Variants in FCHSD2 observed in about 807,000 individuals in gnomAD.
The protein encoded by FCHSD2 is F-BAR and double SH3 domains protein 2.
In FCHSD2, 38 loss-of-function variants were observed where a neutral mutation model predicts 108.1. That is an observed-to-expected ratio of 0.35 (90% CI 0.27 to 0.46). The LOEUF (loss-of-function observed/expected upper bound fraction) is 0.46. Among genes scored for constraint, FCHSD2 ranks in the 20% least tolerant of loss-of-function variants. FCHSD2 has a pLI of 1.00. For missense variants in FCHSD2, 751 were observed against 897.8 expected, an observed-to-expected ratio of 0.84 and a Z score of 2.09; for synonymous variants, 279 against 314.7, an observed-to-expected ratio of 0.89 and a Z score of 1.20.
At chr11:73,044,705 C>G (rs1858715344) in intron 3 of FCHSD2, among the ~76,000 whole-genome samples, 1 of 152,114 alleles carries the variant, frequency 6.6e-6, no homozygotes, top group Admixed American at 6.6e-5. Flanking sequence ...TGGGTAAATA[C>G]TATATAGAAA....
chr11:73,100,068 T>G (rs1316753662), intron 2 of FCHSD2, among the ~76,000 whole-genome samples: 1 of 152,202 alleles, frequency 6.6e-6, no homozygotes, highest in Non-Finnish European at 1.5e-5. Context: ...TTGACACTTC[T>G]CAGCCCTTCC....
chr11:73,009,117 T>C (rs1221459231), intron 4 of FCHSD2, among the ~76,000 whole-genome samples: 2 of 151,834 alleles, frequency 1.3e-5, no homozygotes, highest in African/African-American at 4.8e-5. Context: ...CATTAAATGC[T>C]GCATGTATCA....
intron 9 of FCHSD2, among the ~76,000 whole-genome samples, chr11:72,909,337 C>T (rs1855701233): frequency 6.6e-6 from 1 of 152,182 alleles, no homozygotes; most frequent in Non-Finnish European, 1.5e-5. Flanking sequence ...TCACTCAATG[C>T]TCAATGTTGC....
intron 8 of FCHSD2, among the ~76,000 whole-genome samples, chr11:72,955,114 G>A (rs766839631): frequency 4.5e-4 from 68 of 152,188 alleles, no homozygotes; most frequent in Non-Finnish European, 7.2e-4. Context: ...CTCACAGACT[G>A]CTAACCCACA....
chr11:72,970,173 C>T (rs2135383508), intron 8 of FCHSD2, among the ~76,000 whole-genome samples: 1 of 152,262 alleles, frequency 6.6e-6, no homozygotes, highest in Middle Eastern at 3.4e-3. Flanking sequence ...CCACAAATGG[C>T]TAAGAATGTT....
chr11:72,858,541 C>A (rs1861484907), intron 13 of FCHSD2, among the ~76,000 whole-genome samples: 1 of 152,160 alleles, frequency 6.6e-6, no homozygotes, highest in African/African-American at 2.4e-5. Flanking sequence ...ACCGCAAATT[C>A]TCATTTGTAA....
chr11:72,980,758 G>A (rs1343179381), intron 8 of FCHSD2, among the ~76,000 whole-genome samples: 3 of 150,566 alleles, frequency 2.0e-5, no homozygotes, highest in Admixed American at 6.6e-5. Context: ...GTATATATAT[G>A]TGTATGTATA....
At chr11:72,858,979 T>C (rs551667621) in intron 13 of FCHSD2, among the ~76,000 whole-genome samples, 23 of 152,250 alleles carry the variant, frequency 1.5e-4, no homozygotes, top group African/African-American at 5.5e-4. Context: ...TCCTACAACA[T>C]ACTGTATGAA....
At chr11:73,016,082 C>T (rs1400341491) in intron 3 of FCHSD2, among the ~76,000 whole-genome samples, 197 bp from the exon 4 acceptor site, 1 of 152,082 alleles carries the variant, frequency 6.6e-6, no homozygotes, top group East Asian at 1.9e-4. Context: ...GTAGACAGAT[C>T]ACTTGAGGTC....
chr11:72,918,460 C>T (rs911102510), intron 9 of FCHSD2, among the ~76,000 whole-genome samples: 1 of 152,028 alleles, frequency 6.6e-6, no homozygotes, highest in African/African-American at 2.4e-5. Context: ...TGTTTTGTTC[C>T]TGATGTTAGC....
intron 3 of FCHSD2, among the ~76,000 whole-genome samples, chr11:73,058,597 C>CTTTTT (rs765288070): frequency 7.3e-6 from 1 of 137,406 alleles, no homozygotes; most frequent in Non-Finnish European, 1.6e-5. Context: ...TTTCATTTTC[C>CTTTTT]TTTTTTTTTT....
chr11:73,090,219 CTTTTTTTT>C (rs59603567), intron 2 of FCHSD2, among the ~76,000 whole-genome samples: 70 of 77,042 alleles, frequency 9.1e-4, no homozygotes, highest in African/African-American at 3.8e-3. Context: ...TACAATACTT[CTTTTTTTT>C]TTTTTTTTTT....
intron 6 of FCHSD2, among the ~76,000 whole-genome samples, chr11:72,987,159 T>A (rs2135402444): frequency 6.6e-6 from 1 of 152,304 alleles, no homozygotes; most frequent in East Asian, 1.9e-4. Flanking sequence ...AATGTGTGCA[T>A]CTCCACACCA....
chr11:73,139,492 C>T (rs1459048367), intron 2 of FCHSD2, among the ~76,000 whole-genome samples: 1 of 152,152 alleles, frequency 6.6e-6, no homozygotes, highest in African/African-American at 2.4e-5. Flanking sequence ...GATGTCTTAG[C>T]TATTCAAAGT....
intron 14 of FCHSD2, among the ~76,000 whole-genome samples, chr11:72,846,092 AT>A (rs1179458970): frequency 2.3e-3 from 1 of 440 alleles, no homozygotes; most frequent in East Asian, 0.083. Flanking sequence ...AGATAGATAG[AT>A]AAGTAGTTAC....
intron 13 of FCHSD2, among the ~76,000 whole-genome samples, chr11:72,857,982 C>T (rs982870865): frequency 1.3e-5 from 2 of 152,136 alleles, no homozygotes; most frequent in African/African-American, 4.8e-5. Context: ...ATGACCTCGT[C>T]TCTCTAATGA....
At chr11:73,082,315 TCA>T (rs112803780) in intron 3 of FCHSD2, among the ~76,000 whole-genome samples, 2 of 106,648 alleles carry the variant, frequency 1.9e-5, no homozygotes, top group African/African-American at 7.5e-5. Context: ...CTAGCCTGGA[TCA>T]CAGAGTGAGA....
In FCHSD2 at chr11:72,905,252, G is replaced by A. The variant is rs551590435; in HGVS notation, c.829-2614C>T. Among the ~76,000 whole-genome samples the A allele has an allele frequency of 1.1e-4, 17 of 151,892 alleles. No individual in the cohort carries two copies. The South Asian group carries it at 2.1e-3, about 19-fold the overall frequency. On this transcript the variant is annotated intron_variant, in intron 9 of 19. Coordinates refer to ENST00000409418, the MANE Select transcript of FCHSD2 (RefSeq NM_014824.3). ...GATCTTCTCCCTGTGCCTGTGTCCC[G>A]CTCTCCTTTTTTTCAAAAAGTTTTA...
chr11:73,075,972 A>AGCC (rs1859541928), intron 3 of FCHSD2, among the ~76,000 whole-genome samples: 1 of 151,622 alleles, frequency 6.6e-6, no homozygotes, highest in African/African-American at 2.4e-5. Context: ...CACAAAAATT[A>AGCC]GCCAGGCATG....
Sources: gnomAD v4.1 joint callset for allele counts (sites outside exome capture counted in the v4.1 genomes callset) on GRCh38, gnomAD v4.1.1 for gene constraint, MANE v1.5 for transcripts, NCBI Gene and HGNC (gene_info 2026-07-23, HGNC 2026-07-21) for gene names.